PDZRN3: variants seen among roughly 807,000 people sequenced by gnomAD.
PDZRN3 encodes PDZ domain containing ring finger 3.
A neutral mutation model predicts 85.7 loss-of-function variants in PDZRN3; 38 were observed. The observed-to-expected ratio is 0.44, with a 90% CI of 0.34 to 0.58. The LOEUF is 0.58. PDZRN3 is among the 20% of genes least tolerant of loss of function. PDZRN3 has a pLI of 0.01. For missense variants in PDZRN3, 1,629 were observed against 1,506.4 expected, an observed-to-expected ratio of 1.08 and a Z score of -1.35; for synonymous variants, 759 against 638.0, an observed-to-expected ratio of 1.19 and a Z score of -2.86.
chr3:73,395,895 G>C (rs757716782), intron 5 of PDZRN3, among the ~76,000 whole-genome samples: 3 of 152,188 alleles, frequency 2.0e-5, no homozygotes, highest in African/African-American at 4.8e-5. Context: ...CCAGCTCTTA[G>C]GGAGCTTGTA....
intron 1 of PDZRN3, among the ~76,000 whole-genome samples, chr3:73,609,008 G>C (rs780539979): frequency 9.2e-5 from 14 of 152,098 alleles, no homozygotes; most frequent in Non-Finnish European, 1.5e-4. Flanking sequence ...CCGGCCCATC[G>C]TACGCAGGCT....
chr3:73,478,526 T>C (rs991459206), intron 3 of PDZRN3, among the ~76,000 whole-genome samples: 3 of 151,374 alleles, frequency 2.0e-5, no homozygotes, highest in Non-Finnish European at 2.9e-5. Context: ...TTTCATTATA[T>C]ATTACAATGT....
At chr3:73,532,186 T>C (rs1704673591) in intron 3 of PDZRN3, among the ~76,000 whole-genome samples, 1 of 151,958 alleles carries the variant, frequency 6.6e-6, no homozygotes, top group Non-Finnish European at 1.5e-5. Flanking sequence ...ATTTTTTTTT[T>C]AGTAGAGACG....
rs140123598 is a variant in PDZRN3, at chr3:73,560,695, T to C, written c.918+41659A>G. Among the ~76,000 whole-genome samples, 205 of 152,352 alleles carry C rather than the reference T, an allele frequency of 1.3e-3. 1 individual carries two copies. Among genetic ancestry groups the C allele is most frequent in the African/African-American group, 4.7e-3 (197 of 41,584 alleles). ...GAAATGTTCGGCAGATGGATCCCTT[T>C]GCATCAGCATCAGATTAATTTTGTA... On this transcript the variant is annotated intron_variant, in intron 3 of 9. Coordinates refer to ENST00000263666, the MANE Select transcript of PDZRN3 (RefSeq NM_015009.3).
intron 3 of PDZRN3, among the ~76,000 whole-genome samples, chr3:73,580,661 C>T (rs1702187713): frequency 6.6e-6 from 1 of 152,214 alleles, no homozygotes; most frequent in South Asian, 2.1e-4. Flanking sequence ...CAAGTAACAA[C>T]AGAGCCTCTT....
At chr3:73,427,201 A>G (rs1280876184) in intron 3 of PDZRN3, among the ~76,000 whole-genome samples, 1 of 152,204 alleles carries the variant, frequency 6.6e-6, no homozygotes, top group Non-Finnish European at 1.5e-5. Context: ...TTCATTCCTG[A>G]CATTTCTCAG....
intron 3 of PDZRN3, chr3:73,569,567 C>A (rs1258999438): frequency 9.6e-7 from 1 of 1,043,408 alleles, no homozygotes; most frequent in African/African-American, 1.7e-5. Context: ...CACACCCGCA[C>A]ACACATTGAC....
chr3:73,546,309 C>A (rs1701421692), intron 3 of PDZRN3, among the ~76,000 whole-genome samples: 1 of 152,172 alleles, frequency 6.6e-6, no homozygotes, highest in African/African-American at 2.4e-5. Flanking sequence ...AGAGTACGGA[C>A]CTGTTGGAGG....
chr3:73,472,534 T>C (rs1183497905), intron 3 of PDZRN3, among the ~76,000 whole-genome samples: 2 of 152,200 alleles, frequency 1.3e-5, no homozygotes, highest in African/African-American at 2.4e-5. Flanking sequence ...CAAACATCAT[T>C]TGGAAGATGA....
At chr3:73,604,839 G>T (rs903418508) in intron 2 of PDZRN3, among the ~76,000 whole-genome samples, 1 of 152,090 alleles carries the variant, frequency 6.6e-6, no homozygotes, top group Non-Finnish European at 1.5e-5. Context: ...GAAAGTTCAA[G>T]CAAAAATCAG....
In PDZRN3 at chr3:73,603,665, T is replaced by C. The variant is rs546983921; in HGVS notation, c.811-1204A>G. Among the ~76,000 whole-genome samples, 3 of 152,270 alleles carry C rather than the reference T, an allele frequency of 2.0e-5. No homozygotes were observed. In the South Asian group the frequency reaches 6.2e-4, roughly 32 times the overall value. ...GAATACAAATACATAAAAATTCCAT[T>C]TGTTAAAAATAACTCTTCAAATAAA... On this transcript the variant is annotated intron_variant, in intron 2 of 9. Transcript: ENST00000263666.
chr3:73,397,761 TGAG>T (rs2106711419), intron 5 of PDZRN3, among the ~76,000 whole-genome samples: 2 of 152,306 alleles, frequency 1.3e-5, no homozygotes, highest in Non-Finnish European at 2.9e-5. Flanking sequence ...GTTCACTTTA[TGAG>T]AAGGTACTTA....
intron 3 of PDZRN3, among the ~76,000 whole-genome samples, chr3:73,590,846 G>T (rs1395187973): frequency 2.0e-5 from 3 of 152,046 alleles, no homozygotes; most frequent in Non-Finnish European, 2.9e-5. Context: ...CAATAATAAT[G>T]CTGCAACACA....
chr3:73,480,660 T>C (rs1703545115), intron 3 of PDZRN3, among the ~76,000 whole-genome samples: 1 of 152,176 alleles, frequency 6.6e-6, no homozygotes. Flanking sequence ...AGGGTTGATA[T>C]TTCCACTTCT....
In PDZRN3 at chr3:73,493,241, T is replaced by A. The variant is rs141334737; in HGVS notation, c.919-88846A>T. Among the ~76,000 whole-genome samples, 233 of 152,262 alleles carry A rather than the reference T, an allele frequency of 1.5e-3. 3 individuals are homozygous for A. The highest frequency in any genetic ancestry group is 2.2e-3 in the Non-Finnish European group (152 of 68,012). ...TCTCTCTAGACTCTTATGTTCTACC[T>A]GTCTTTCTGAAAGCCCCATGGAGTG... is the stretch of plus-strand genomic sequence containing the variant. On this transcript the variant is annotated intron_variant, in intron 3 of 9. Transcript: ENST00000263666.
intron 3 of PDZRN3, among the ~76,000 whole-genome samples, chr3:73,578,072 C>T (rs992624149): frequency 1.3e-5 from 2 of 152,112 alleles, no homozygotes; most frequent in East Asian, 3.9e-4. Flanking sequence ...CCTTGAAAAT[C>T]GTCCTTTTAC....
chr3:73,620,735 C>A (rs1243801616), intron 1 of PDZRN3, among the ~76,000 whole-genome samples: 1 of 152,122 alleles, frequency 6.6e-6, no homozygotes, highest in African/African-American at 2.4e-5. Flanking sequence ...CGCCACCGCG[C>A]CCAGCTAATT....
intron 3 of PDZRN3, among the ~76,000 whole-genome samples, chr3:73,558,249 C>T (rs900354822): frequency 1.3e-5 from 2 of 149,390 alleles, no homozygotes; most frequent in East Asian, 3.9e-4. Flanking sequence ...AGGAGCATAT[C>T]TGGAAAGTCA....
At chr3:73,409,112 G>A (rs879752917) in intron 3 of PDZRN3, among the ~76,000 whole-genome samples, 3 of 152,110 alleles carry the variant, frequency 2.0e-5, no homozygotes, top group Non-Finnish European at 2.9e-5. Context: ...TTCACCTAAG[G>A]CTCTGGCTGG....
Sources: allele counts gnomAD v4.1 joint callset (sites outside exome capture counted in the v4.1 genomes callset), GRCh38; gene constraint gnomAD v4.1.1; transcripts MANE v1.5; gene names NCBI Gene and HGNC (gene_info 2026-07-23, HGNC 2026-07-21).